The following FNIP1 variants were observed in gnomAD, a reference collection of about 807,000 sequenced individuals.
FNIP1 encodes the protein folliculin interacting protein 1.
A neutral mutation model predicts 124.5 loss-of-function variants in FNIP1; 40 were observed. The ratio of observed to expected loss-of-function variants is 0.32; its 90% CI spans 0.25 to 0.42. The LOEUF is 0.42. Ranked by LOEUF, FNIP1 falls within the 10% of genes least tolerant of loss-of-function variation. FNIP1 has a pLI of 1.00. For missense variants in FNIP1, 1,176 were observed against 1,403.7 expected (o/e 0.84, Z 2.59); for synonymous variants, 472 against 470.6 (o/e 1.00, Z -0.04).
intron 5 of FNIP1, among the ~76,000 whole-genome samples, chr5:131,718,703 C>T (rs1397007499): frequency 6.6e-6 from 1 of 152,288 alleles, no homozygotes; most frequent in East Asian, 1.9e-4. Context: ...GGTAACTCAG[C>T]GTGGTACCGC....
At chr5:131,748,859 G>A (rs1441399686) in intron 1 of FNIP1, among the ~76,000 whole-genome samples, 3 of 151,984 alleles carry the variant, frequency 2.0e-5, no homozygotes, top group Non-Finnish European at 4.4e-5. Context: ...GGCATTATTA[G>A]CATAAGAGAT....
rs1172985603 is a variant in FNIP1 at position 131,672,826 on chromosome 5, T to A, written c.1618A>T (p.Thr540Ser). ...AGTTCAGAGCATCTTATAAAATAAG[T>A]AAGAAAATAAAGTAGCCTCTGGACC... ...DMVQRLLYFL[T>S]YFIRCSELQE... Residue 540 changes from threonine (T) to serine (S), a missense_variant, in exon 14 of 18, where the codon ACT becomes TCT. This residue lies in a region of FNIP1 where 1,109 missense variants were observed against 1,288.5 expected (regional missense o/e 0.86). Transcript: ENST00000510461. 1 of 1,613,188 alleles carries A rather than the reference T, an allele frequency of 6.2e-7. No homozygotes were observed. Among genetic ancestry groups the A allele is most frequent in the Non-Finnish European group, 8.5e-7 (1 of 1,179,724 alleles).
intron 11 of FNIP1, among the ~76,000 whole-genome samples, chr5:131,683,383 C>T (rs1219449670): frequency 3.3e-5 from 5 of 151,436 alleles, no homozygotes; most frequent in African/African-American, 1.2e-4. Flanking sequence ...CCTGTCGCTA[C>T]TAAAAATACA....
intron 2 of FNIP1, among the ~76,000 whole-genome samples, chr5:131,733,143 T>C (rs1770157926): frequency 6.6e-6 from 1 of 152,136 alleles, no homozygotes; most frequent in South Asian, 2.1e-4. Context: ...CTGTTATTGG[T>C]GTATAAGAAT....
At chr5:131,735,003 T>C (rs532223048) in intron 2 of FNIP1, among the ~76,000 whole-genome samples, 91 of 152,298 alleles carry the variant, frequency 6.0e-4, no homozygotes, top group African/African-American at 1.8e-3. Flanking sequence ...TAAAGACACA[T>C]GCACACGTAT....
At chr5:131,787,148 A>G (rs1049331746) in intron 1 of FNIP1, among the ~76,000 whole-genome samples, 2 of 152,234 alleles carry the variant, frequency 1.3e-5, no homozygotes, top group African/African-American at 4.8e-5. Flanking sequence ...CAAAATAGGT[A>G]GTCTATGCCT....
intron 5 of FNIP1, among the ~76,000 whole-genome samples, chr5:131,717,131 T>TC (rs1769493735): frequency 6.6e-6 from 1 of 150,874 alleles, no homozygotes; most frequent in Non-Finnish European, 1.5e-5. Flanking sequence ...ATGCTATCCC[T>TC]CCCCCCTCAC....
At chr5:131,715,152 T>C (rs1769423724) in intron 6 of FNIP1, among the ~76,000 whole-genome samples, 1 of 152,214 alleles carries the variant, frequency 6.6e-6, no homozygotes, top group Admixed American at 6.5e-5. Context: ...TATAGTATAA[T>C]TTACCTTTAT....
intron 1 of FNIP1, among the ~76,000 whole-genome samples, chr5:131,789,760 C>T (rs1251952861): frequency 6.6e-6 from 1 of 152,246 alleles, no homozygotes; most frequent in African/African-American, 2.4e-5. Context: ...TAACACCACA[C>T]ATCCCTGGCT....
rs961645982 is a variant in FNIP1, at chr5:131,643,019, A to C, written c.*1666T>G. The C allele has an allele frequency of 4.6e-5, 7 of 152,372 alleles. No individual in the cohort carries two copies. The highest frequency in any genetic ancestry group is 1.7e-4 in the African/African-American group (7 of 41,456). 9.4% of individuals were successfully genotyped at this position (152,372 alleles called of 1,614,324 possible). On this transcript the variant is annotated 3_prime_UTR_variant, in exon 18 of 18. Coordinates refer to ENST00000510461, the MANE Select transcript of FNIP1 (RefSeq NM_133372.3). ...TGCACAGAATAAGAAAATTAAGCCA[A>C]AGAAAATATATCCACAAACACTCCT...
At chr5:131,769,277 ATAAT>A (rs1469570876) in intron 1 of FNIP1, among the ~76,000 whole-genome samples, 1 of 152,250 alleles carries the variant, frequency 6.6e-6, no homozygotes, top group Non-Finnish European at 1.5e-5. Flanking sequence ...AGTCATTCTA[ATAAT>A]TAAGGTTATT....
intron 11 of FNIP1, among the ~76,000 whole-genome samples, chr5:131,697,547 G>A (rs1012822997): frequency 1.3e-5 from 2 of 151,982 alleles, no homozygotes; most frequent in African/African-American, 2.4e-5. Context: ...ATTTATTTAG[G>A]TATAAAAGAT....
chr5:131,723,670 C>G (rs1177798451), intron 3 of FNIP1, among the ~76,000 whole-genome samples: 1 of 152,010 alleles, frequency 6.6e-6, no homozygotes, highest in East Asian at 1.9e-4. Flanking sequence ...CTGTGTAACT[C>G]AAAGACAATG....
intron 1 of FNIP1, among the ~76,000 whole-genome samples, chr5:131,784,251 G>A (rs1449194607): frequency 2.0e-5 from 3 of 152,048 alleles, no homozygotes; most frequent in Non-Finnish European, 4.4e-5. Context: ...GCCGTTGAAG[G>A]ATATAGAAAT....
chr5:131,693,303 T>TATATATACATATATATATATAC (rs1312858429), intron 11 of FNIP1, among the ~76,000 whole-genome samples: 4 of 29,208 alleles, frequency 1.4e-4, no homozygotes, highest in African/African-American at 3.7e-4. Flanking sequence ...TATACATATA[T>TATATATACATATATATATATAC]ATATATATAT....
chr5:131,706,949 A>G (rs892823956), intron 8 of FNIP1, among the ~76,000 whole-genome samples: 1 of 152,254 alleles, frequency 6.6e-6, no homozygotes, highest in African/African-American at 2.4e-5. Context: ...GCTATTGAAA[A>G]TAAGTGTCTG....
At chr5:131,773,840 C>T (rs1475305713) in intron 1 of FNIP1, among the ~76,000 whole-genome samples, 3 of 151,976 alleles carry the variant, frequency 2.0e-5, no homozygotes, top group Non-Finnish European at 4.4e-5. Flanking sequence ...TACCAGGTTG[C>T]TAGAGGGGTA....
At chr5:131,783,117 T>C (rs1385100701) in intron 1 of FNIP1, among the ~76,000 whole-genome samples, 1 of 152,222 alleles carries the variant, frequency 6.6e-6, no homozygotes, top group Non-Finnish European at 1.5e-5. Flanking sequence ...TTGGCAATAT[T>C]TACTGGCCTA....
chr5:131,649,259 T>C (rs1766976835), intron 16 of FNIP1, among the ~76,000 whole-genome samples: 1 of 152,192 alleles, frequency 6.6e-6, no homozygotes, highest in Non-Finnish European at 1.5e-5. Flanking sequence ...CAGCACCATT[T>C]TACATTACCA....
Sources: allele counts gnomAD v4.1 joint callset (sites outside exome capture counted in the v4.1 genomes callset), GRCh38; gene constraint gnomAD v4.1.1; regional missense constraint gnomAD v4.1.1; transcripts MANE v1.5; gene names NCBI Gene and HGNC (gene_info 2026-07-23, HGNC 2026-07-21).